AHI1: variants seen among roughly 807,000 people sequenced by gnomAD.
AHI1 encodes Abelson helper integration site 1, also known as jouberin.
Under a neutral mutation model 149.3 loss-of-function variants are expected in AHI1, and 123 were observed. The observed-to-expected ratio is 0.82, with a 90% CI of 0.71 to 0.96. The LOEUF (loss-of-function observed/expected upper bound fraction) is 0.96. Ranked by LOEUF, AHI1 falls within the 40% of genes least tolerant of loss-of-function variation. AHI1 has a pLI of 0.00. For missense variants in AHI1, 1,439 were observed against 1,422.7 expected, an observed-to-expected ratio of 1.01 and a Z score of -0.18; for synonymous variants, 475 against 459.8, an observed-to-expected ratio of 1.03 and a Z score of -0.42.
At chr6:135,458,073 C>G (rs1205796576) in intron 8 of AHI1, among the ~76,000 whole-genome samples, 3 of 152,070 alleles carry the variant, frequency 2.0e-5, no homozygotes, top group African/African-American at 7.2e-5. Flanking sequence ...TAGGATGCAG[C>G]AGGTAAACAC....
At chr6:135,449,685 A>G (rs1337875508) in intron 11 of AHI1, among the ~76,000 whole-genome samples, 3 of 152,162 alleles carry the variant, frequency 2.0e-5, no homozygotes, top group African/African-American at 7.2e-5. Flanking sequence ...TAACTTGGAA[A>G]GTAAAAAAAA....
intron 21 of AHI1, 118 bp downstream of exon 21, chr6:135,411,230 A>T (rs1781541020): frequency 2.1e-6 from 2 of 957,740 alleles, no homozygotes; most frequent in African/African-American, 3.3e-5. Context: ...CCATAAAAGT[A>T]TAGGAAGGTC....
At chr6:135,399,819 C>T (rs527428135) in intron 22 of AHI1, among the ~76,000 whole-genome samples, 4 of 151,470 alleles carry the variant, frequency 2.6e-5, no homozygotes, top group South Asian at 2.1e-4. Context: ...TTGCTCACCA[C>T]GCTCCACATA....
At chr6:135,334,175 C>G (rs905351296) in intron 24 of AHI1, among the ~76,000 whole-genome samples, 1 of 152,138 alleles carries the variant, frequency 6.6e-6, no homozygotes, top group Non-Finnish European at 1.5e-5. Context: ...TGTGAAAGCT[C>G]ATTTTTATAT....
intron 23 of AHI1, among the ~76,000 whole-genome samples, chr6:135,371,092 A>C (rs1247144364): frequency 6.6e-6 from 1 of 152,232 alleles, no homozygotes. Flanking sequence ...TAAAGAGATA[A>C]AAATGCATGG....
At chr6:135,443,750 T>A (rs1042437792) in intron 13 of AHI1, among the ~76,000 whole-genome samples, 2 of 152,136 alleles carry the variant, frequency 1.3e-5, no homozygotes, top group Non-Finnish European at 2.9e-5. Flanking sequence ...TTGTTAAGTG[T>A]CAATCATGTA....
rs762906949 is a variant in AHI1, at chr6:135,467,600, T to C, written c.170A>G (p.Lys57Arg). 5 of 1,609,866 alleles carry C rather than the reference T, an allele frequency of 3.1e-6. No individual in the cohort carries two copies. The Admixed American group carries it at 6.7e-5, about 22-fold the overall frequency. The change falls in exon 6 of 29, where the codon AAA (lysine) becomes AGA (arginine). Residue 57 changes from lysine (K) to arginine (R), a missense_variant. Coordinates refer to ENST00000265602, the MANE Select transcript of AHI1 (RefSeq NM_001134831.2). The stretch of plus-strand genomic sequence containing the variant: ...ACTTACATCATCACTTGTAGTTTCT[T>C]TCATATAGTGAAGATTGCTTCTAAT... ...DTIRSNLHYM[K>R]ETTSDDPDTI...
chr6:135,285,611 G>A lies in AHI1; in HGVS notation c.*34C>T, dbSNP rs775032489. On this transcript the variant is annotated 3_prime_UTR_variant, in exon 29 of 29. Transcript: ENST00000265602. Reference sequence around the variant, plus strand: ...TTTGGTTTGTCATTTTCACCTCTGTGCATTTCGGCAGCTCTTAACTTTTCT... The same window carrying A: ...TTTGGTTTGTCATTTTCACCTCTGTACATTTCGGCAGCTCTTAACTTTTCT... 7 of 1,605,430 alleles carry A rather than the reference G, an allele frequency of 4.4e-6. No homozygotes were observed. In the South Asian group the frequency reaches 7.8e-5, roughly 18 times the overall value.
intron 24 of AHI1, among the ~76,000 whole-genome samples, chr6:135,342,298 A>G (rs1030985073): frequency 3.3e-5 from 5 of 151,962 alleles, no homozygotes; most frequent in Non-Finnish European, 7.4e-5. Context: ...AGCAATCAAA[A>G]CACTGCCCAG....
At chr6:135,463,352 TATA>T in intron 7 of AHI1, 46 bp from the exon 8 acceptor site, 1 of 1,416,752 alleles carries the variant, frequency 7.1e-7, no homozygotes, top group Non-Finnish European at 9.5e-7. Context: ...ATATTATCAT[TATA>T]ATTATTATTC....
At chr6:135,391,881 G>A (rs946797170) in intron 23 of AHI1, among the ~76,000 whole-genome samples, 18 of 152,112 alleles carry the variant, frequency 1.2e-4, no homozygotes, top group Non-Finnish European at 1.9e-4. Context: ...GAGGAAAGTC[G>A]AGAGAAAAGG....
intron 23 of AHI1, among the ~76,000 whole-genome samples, chr6:135,374,136 T>C (rs1427331697): frequency 3.2e-5 from 4 of 123,652 alleles, no homozygotes; most frequent in Non-Finnish European, 5.0e-5. Flanking sequence ...TTTTTTGAGA[T>C]GGAGTCTTGC....
At chr6:135,357,008 G>A (rs1399470240) in intron 24 of AHI1, among the ~76,000 whole-genome samples, 2 of 152,036 alleles carry the variant, frequency 1.3e-5, no homozygotes, top group Non-Finnish European at 2.9e-5. Context: ...GTGCAATCTC[G>A]GCTCACAGCA....
intron 24 of AHI1, among the ~76,000 whole-genome samples, chr6:135,326,217 A>G (rs542553171): frequency 2.0e-5 from 3 of 152,176 alleles, no homozygotes; most frequent in East Asian, 1.9e-4. Flanking sequence ...ATTTGAAGAC[A>G]TGGCCTTTAC....
intron 15 of AHI1, among the ~76,000 whole-genome samples, chr6:135,434,226 A>T (rs1785059972): frequency 6.6e-6 from 1 of 152,040 alleles, no homozygotes; most frequent in Admixed American, 6.5e-5. Flanking sequence ...TTCAAGAAAA[A>T]TATTCTATGA....
At chr6:135,476,581 A>G (rs1185920809) in intron 5 of AHI1, among the ~76,000 whole-genome samples, 3 of 152,110 alleles carry the variant, frequency 2.0e-5, no homozygotes, top group Non-Finnish European at 4.4e-5. Context: ...ATACTAACAT[A>G]TCTAACTGTA....
chr6:135,474,336 C>T lies in AHI1; in HGVS notation c.136-6702G>A, dbSNP rs145955865. Among the ~76,000 whole-genome samples the T allele has an allele frequency of 8.4e-4, 128 of 152,202 alleles. No homozygotes were observed. In the Middle Eastern group the frequency reaches 0.01, roughly 12 times the overall value. On this transcript the variant is annotated intron_variant, in intron 5 of 28. Transcript: ENST00000265602. ...TGTATGCCTGTAAAAATTGCATTACCGCATTCGTCAGGGTCTCCAGTACAA... is the reference window on the plus strand; with the variant it reads ...TGTATGCCTGTAAAAATTGCATTACTGCATTCGTCAGGGTCTCCAGTACAA...
intron 26 of AHI1, among the ~76,000 whole-genome samples, chr6:135,303,063 C>T (rs560790705): frequency 2.0e-5 from 3 of 152,220 alleles, no homozygotes; most frequent in African/African-American, 4.8e-5. Context: ...CTTTCCAAAC[C>T]CTCACAACTT....
At position 135,429,989 on chromosome 6, in the gene AHI1, T is replaced by C; in HGVS notation, c.2385A>G (p.Glu795=). The C allele has an allele frequency of 6.5e-7, 1 of 1,540,952 alleles. No individual in the cohort carries two copies. The highest frequency in any genetic ancestry group is 8.8e-7 in the Non-Finnish European group (1 of 1,135,062). The part of the protein sequence containing the change: ...HHWTINKEIK[E]TEFKGIPISY... ...TTATTGGAATTCCCTTAAACTCAGT[T>C]TCTTTAATTTCCTAAAATGATTAAA... is the stretch of plus-strand genomic sequence containing the variant. Residue 795 remains glutamate (E), a synonymous_variant, in exon 18 of 29, where the codon GAA becomes GAG. Transcript: ENST00000265602.
Sources: allele counts gnomAD v4.1 joint callset (sites outside exome capture counted in the v4.1 genomes callset), GRCh38; gene constraint gnomAD v4.1.1; transcripts MANE v1.5; gene names NCBI Gene and HGNC (gene_info 2026-07-23, HGNC 2026-07-21).